The following CAGE1 variants were observed in gnomAD, a reference collection of about 807,000 sequenced individuals.
CAGE1 encodes cancer antigen 1.
A neutral mutation model predicts 94.9 loss-of-function variants in CAGE1; 66 were observed. That is an observed-to-expected ratio of 0.70 (90% CI 0.57 to 0.85). The LOEUF is 0.85. CAGE1 is among the 40% of genes least tolerant of loss of function. The probability of loss-of-function intolerance (pLI) is 0.00; values close to 1 mark genes in which losing one functional copy is unlikely to be tolerated. For missense variants in CAGE1, 865 were observed against 950.4 expected (o/e 0.91, Z 1.18); for synonymous variants, 319 against 321.0 (o/e 0.99, Z 0.07).
At position 7,356,126 on chromosome 6, in the gene CAGE1, T is replaced by C; in HGVS notation, c.2197A>G (p.Thr733Ala). The C allele has an allele frequency of 6.6e-7, 1 of 1,521,804 alleles. No individual in the cohort carries two copies. Among genetic ancestry groups the C allele is most frequent in the South Asian group, 1.2e-5 (1 of 83,442 alleles). The allele number at this position is 1,521,804 out of a possible 1,614,324, so 94.3% of individuals were successfully genotyped here. A position where few individuals can be genotyped will look rare whatever the true frequency, so the allele number is the denominator to read the frequency against. ...SLNEELDFLI[T>A]KLGHLLESKE... ...GACTCTAGGAGATGTCCCAGTTTTG[T>C]GATCTATGGAGAAATATCAGTAAAC... The change falls in exon 10 of 14, where the codon ACA becomes GCA. Residue 733 changes from threonine to alanine, a missense_variant. By Grantham distance (58) the Thr-to-Ala change is moderately conservative (BLOSUM62 0). Coordinates refer to ENST00000502583, the MANE Select transcript of CAGE1 (RefSeq NM_001170692.2).
At chr6:7,366,776 T>C (rs1255411940) in intron 7 of CAGE1, among the ~76,000 whole-genome samples, 1 of 151,988 alleles carries the variant, frequency 6.6e-6, no homozygotes, top group Non-Finnish European at 1.5e-5. Context: ...TGGTAAGTCA[T>C]AGCTGTGAGG....
At chr6:7,345,663 C>CA (rs1375586512) in intron 11 of CAGE1, among the ~76,000 whole-genome samples, 8 of 152,186 alleles carry the variant, frequency 5.3e-5, no homozygotes, top group Non-Finnish European at 1.2e-4. Context: ...CGCAGTGGCT[C>CA]ATGCTTGTAA....
intron 9 of CAGE1, among the ~76,000 whole-genome samples, chr6:7,361,320 A>C (rs74666233): frequency 1.7e-3 from 262 of 152,334 alleles, no homozygotes; most frequent in Non-Finnish European, 2.5e-3. Context: ...CAGTAAAAGC[A>C]ATTCTGCAAG....
chr6:7,373,790 C>T lies in CAGE1; in HGVS notation c.1029G>A (p.Lys343=). The T allele has an allele frequency of 6.2e-7, 1 of 1,613,848 alleles. No homozygotes were observed. The highest frequency in any genetic ancestry group is 8.5e-7 in the Non-Finnish European group (1 of 1,179,788). ...LEKRVKELQM[K]ITKQQVFIDV... ...CAATGAACACTTGCTGTTTGGTAAT[C>T]TTCATCTGTAGTTCTTTAACCCTCT... The change falls in exon 5 of 14, where the codon AAG becomes AAA. Residue 343 remains lysine (K), a synonymous_variant. Transcript: ENST00000502583.
chr6:7,328,906 GTGTGTGTGTGTGTATATATA>G (rs1561843819), intron 13 of CAGE1, among the ~76,000 whole-genome samples: 98 of 101,032 alleles, frequency 9.7e-4, no homozygotes, highest in Non-Finnish European at 1.3e-3. Context: ...GTGTGTGTGT[GTGTGTGTGTGTGTATATATA>G]TATATATATT....
chr6:7,383,901 T>A (rs910631992), intron 3 of CAGE1, among the ~76,000 whole-genome samples: 1 of 152,168 alleles, frequency 6.6e-6, no homozygotes, highest in African/African-American at 2.4e-5. Flanking sequence ...TAATAGTAAG[T>A]TTTTAAGAAT....
chr6:7,360,916 C>T (rs1246505745), intron 9 of CAGE1, among the ~76,000 whole-genome samples: 2 of 152,118 alleles, frequency 1.3e-5, no homozygotes, highest in East Asian at 3.9e-4. Flanking sequence ...CAGTGCACTC[C>T]AGCCTGGGTG....
intron 11 of CAGE1, among the ~76,000 whole-genome samples, chr6:7,344,974 C>G (rs1458821539): frequency 6.6e-6 from 1 of 152,184 alleles, no homozygotes; most frequent in Non-Finnish European, 1.5e-5. Flanking sequence ...AAACAGGCCA[C>G]TCGGCTCTAC....
intron 11 of CAGE1, among the ~76,000 whole-genome samples, chr6:7,352,663 A>G (rs756347350): frequency 1.3e-5 from 2 of 152,252 alleles, no homozygotes; most frequent in African/African-American, 2.4e-5. Flanking sequence ...GGCTATAGTC[A>G]CCAAAACAGC....
intron 11 of CAGE1, among the ~76,000 whole-genome samples, chr6:7,337,325 G>GAAA (rs58144720): frequency 7.4e-4 from 60 of 81,282 alleles, no homozygotes; most frequent in Non-Finnish European, 1.1e-3. Context: ...AGACTGTCTC[G>GAAA]AAAAAAAAAA....
chr6:7,380,210 C>T (rs1284286425), intron 3 of CAGE1, among the ~76,000 whole-genome samples: 2 of 152,164 alleles, frequency 1.3e-5, no homozygotes, highest in African/African-American at 2.4e-5. Context: ...TTGTGGGGGT[C>T]TGATAGATGT....
At position 7,339,549 on chromosome 6, in the gene CAGE1, T is replaced by C; in HGVS notation, c.2370-5459A>G. The C allele has an allele frequency of 1.3e-6, 1 of 780,612 alleles. No individual in the cohort carries two copies. Among genetic ancestry groups the C allele is most frequent in the Non-Finnish European group, 2.4e-6 (1 of 421,708 alleles). The allele number at this position is 780,612 out of a possible 1,614,324, so 48.4% of individuals were successfully genotyped here. ...GCCATCAGTGACAAACTTCCTCTTC[T>C]TGGAAATTTGTAAGGCGATCTTGCC... is the stretch of plus-strand genomic sequence containing the variant. On this transcript the variant is annotated intron_variant, in intron 11 of 13. Coordinates refer to ENST00000502583, the MANE Select transcript of CAGE1 (RefSeq NM_001170692.2). The surrounding 1 kb of genome is among the most constrained non-coding windows in gnomAD (Gnocchi z 4.7).
intron 2 of CAGE1, among the ~76,000 whole-genome samples, chr6:7,386,217 G>GGTT (rs10668475): frequency 0.44 from 66,621 of 151,706 alleles, 15,255 homozygotes; most frequent in African/African-American, 0.58. Flanking sequence ...GCATTAAGAT[G>GGTT]GTTATTTCAG....
chr6:7,385,042 G>A (rs1761070995), intron 3 of CAGE1, among the ~76,000 whole-genome samples: 1 of 151,856 alleles, frequency 6.6e-6, no homozygotes, highest in Non-Finnish European at 1.5e-5. Context: ...TTTCGCTCTT[G>A]TTGCCCAGGC....
chr6:7,327,178 A>G (rs1758567739), intron 13 of CAGE1, among the ~76,000 whole-genome samples: 1 of 152,012 alleles, frequency 6.6e-6, no homozygotes, highest in South Asian at 2.1e-4. Context: ...TCTGCCTCCC[A>G]AGTAGCTGGG....
At chr6:7,336,067 T>C (rs1758943576) in intron 11 of CAGE1, among the ~76,000 whole-genome samples, 1 of 152,198 alleles carries the variant, frequency 6.6e-6, no homozygotes, top group Admixed American at 6.5e-5. Context: ...CAGGCTTTTG[T>C]TTTAAAGGGA....
intron 11 of CAGE1, among the ~76,000 whole-genome samples, chr6:7,348,831 G>A (rs1317735617): frequency 6.6e-6 from 1 of 152,040 alleles, no homozygotes; most frequent in African/African-American, 2.4e-5. Context: ...AGAAGACAAG[G>A]TCTTTGAATT....
At position 7,369,970 on chromosome 6, in the gene CAGE1, G is replaced by A; in HGVS notation, c.1842C>T (p.Ala614=). 1.9e-6 allele frequency: 3 copies of A among 1,613,804 alleles called. No individual in the cohort carries two copies. The highest frequency in any genetic ancestry group is 1.3e-5 in the African/African-American group (1 of 75,024). The part of the protein sequence containing the change: ...PADIKRASQL[A]SKMHSLLALM... ...GAGCCAGAAGACTGTGCATTTTGGA[G>A]GCCAGCTGAGAAGCTCTTTTTATAT... Residue 614 remains alanine (A), a synonymous_variant, in exon 6 of 14, where the codon GCC becomes GCT. Coordinates refer to ENST00000502583, the MANE Select transcript of CAGE1 (RefSeq NM_001170692.2).
At chr6:7,387,330 A>C in intron 1 of CAGE1, 134 bp from the exon 2 acceptor site, 2 of 613,408 alleles carry the variant, frequency 3.3e-6, no homozygotes, top group Non-Finnish European at 5.7e-6. Context: ...GAAAAATTAA[A>C]AATTTTAGTC....
Sources: allele counts gnomAD v4.1 joint callset (sites outside exome capture counted in the v4.1 genomes callset), GRCh38; gene constraint gnomAD v4.1.1; non-coding constraint Gnocchi (gnomAD v3.1); transcripts MANE v1.5; gene names NCBI Gene and HGNC (gene_info 2026-07-23, HGNC 2026-07-21).